Variants in SYT16 observed in about 807,000 individuals in gnomAD.
The protein encoded by SYT16 is synaptotagmin-16.
A neutral mutation model predicts 61.4 loss-of-function variants in SYT16; 42 were observed. The ratio of observed to expected loss-of-function variants is 0.68; its 90% CI spans 0.53 to 0.89. The LOEUF (loss-of-function observed/expected upper bound fraction) is 0.89, where lower values mean the gene tolerates loss of function less well. SYT16 is among the 40% of genes least tolerant of loss of function. SYT16 has a pLI of 0.00. For missense variants in SYT16, 804 were observed against 807.3 expected, an observed-to-expected ratio of 1.00 and a Z score of 0.05; for synonymous variants, 314 against 302.3, an observed-to-expected ratio of 1.04 and a Z score of -0.40.
chr14:61,875,302 C>T (rs1181147657), intron 1 of SYT16, among the ~76,000 whole-genome samples: 1 of 152,096 alleles, frequency 6.6e-6, no homozygotes, highest in Non-Finnish European at 1.5e-5. Flanking sequence ...TGACTTTGAC[C>T]TTTCTATGTT....
At chr14:61,878,329 C>T (rs2047573451) in intron 1 of SYT16, among the ~76,000 whole-genome samples, 2 of 152,268 alleles carry the variant, frequency 1.3e-5, no homozygotes, top group Admixed American at 6.5e-5. Flanking sequence ...GTTATGTAAA[C>T]GTCCATTTGT....
rs541186151 is a variant in SYT16, at chr14:62,101,444, A to T, written c.*737A>T. ...CAAACTTGTGACTTTCAAGGTTTTTATGCTGTCTTTCTCACCCAATAAGTT... is the reference window on the plus strand; with the variant it reads ...CAAACTTGTGACTTTCAAGGTTTTTTTGCTGTCTTTCTCACCCAATAAGTT... On this transcript the variant is annotated 3_prime_UTR_variant, in exon 8 of 8. Coordinates refer to ENST00000683842, the MANE Select transcript of SYT16 (RefSeq NM_001367656.1). The T allele has an allele frequency of 3.3e-5, 5 of 152,288 alleles. No individual in the cohort carries two copies. In the South Asian group the frequency reaches 8.3e-4, roughly 25 times the overall value. The allele number at this position is 152,288 out of a possible 1,614,324, so 9.4% of individuals were successfully genotyped here.
At chr14:62,028,362 A>G (rs1376222705) in intron 3 of SYT16, among the ~76,000 whole-genome samples, 1 of 152,204 alleles carries the variant, frequency 6.6e-6, no homozygotes, top group Non-Finnish European at 1.5e-5. Context: ...AAATCATTCA[A>G]TCCTCCCAAC....
At chr14:62,057,303 A>T (rs1222071851) in intron 3 of SYT16, among the ~76,000 whole-genome samples, 1 of 152,196 alleles carries the variant, frequency 6.6e-6, no homozygotes, top group Non-Finnish European at 1.5e-5. Flanking sequence ...ACTTTTTCTC[A>T]TAGGCATAAA....
In SYT16 at chr14:61,820,567, C is replaced by T. The variant is rs181880143; in HGVS notation, c.-325+7757C>T. Among the ~76,000 whole-genome samples, 39 of 147,718 alleles carry T rather than the reference C, an allele frequency of 2.6e-4. No individual in the cohort carries two copies. In the South Asian group the frequency reaches 3.3e-3, roughly 12 times the overall value. On this transcript the variant is annotated intron_variant, in intron 1 of 7. Transcript: ENST00000683842. ...CACGATCTCGGCTCACTGCAACCTC[C>T]GCCTCCTGGGTTCAAGCGATTCTCC... is the stretch of plus-strand genomic sequence containing the variant.
rs532182650 is a variant in SYT16, at chr14:62,076,697, C to G, written c.993+1306C>G. Among the ~76,000 whole-genome samples the G allele has an allele frequency of 2.3e-3, 356 of 152,258 alleles. 1 individual carries two copies. The highest frequency in any genetic ancestry group is 8.2e-3 in the African/African-American group (339 of 41,538). ...TAAAAAAAGAAAAAACTCTGCTTAC[C>G]CGTTAGTTTACTACCAAGCCGTATC... On this transcript the variant is annotated intron_variant, in intron 5 of 7. Transcript: ENST00000683842.
At position 62,040,794 on chromosome 14, in the gene SYT16, C is replaced by A. The variant is rs114436797; in HGVS notation, c.524-28809C>A. Among the ~76,000 whole-genome samples, 713 of 152,168 alleles carry A rather than the reference C, an allele frequency of 4.7e-3. 6 individuals carry two copies. Among genetic ancestry groups the A allele is most frequent in the African/African-American group, 0.016 (679 of 41,502 alleles). On this transcript the variant is annotated intron_variant, in intron 3 of 7. Transcript: ENST00000683842. ...TGGAGAGCAGAAAGTACCAAGAGGTCCCATATACTCTTACCTCTTCCTGCC... is the reference window on the plus strand; with the variant it reads ...TGGAGAGCAGAAAGTACCAAGAGGTACCATATACTCTTACCTCTTCCTGCC...
chr14:62,088,037 A>G (rs2056945898), intron 7 of SYT16, among the ~76,000 whole-genome samples: 2 of 152,188 alleles, frequency 1.3e-5, no homozygotes, highest in East Asian at 1.9e-4. Flanking sequence ...TGGAACAACC[A>G]CTTTGGGAAA....
At chr14:61,857,681 G>C (rs8003890) in intron 1 of SYT16, among the ~76,000 whole-genome samples, 28,505 of 152,048 alleles carry the variant, frequency 0.19, 3,402 homozygotes, top group African/African-American at 0.34. Context: ...AGCATGTACA[G>C]TGATAGGAAT....
chr14:61,939,770 AG>A (rs2050137065), intron 1 of SYT16, among the ~76,000 whole-genome samples: 1 of 152,148 alleles, frequency 6.6e-6, no homozygotes, highest in Non-Finnish European at 1.5e-5. Context: ...ACAGTGTCTA[AG>A]GGGGAAGAAA....
At chr14:61,995,004 C>T (rs538462405) in intron 2 of SYT16, among the ~76,000 whole-genome samples, 3 of 152,222 alleles carry the variant, frequency 2.0e-5, no homozygotes, top group Admixed American at 6.5e-5. Flanking sequence ...TCATTTGTAA[C>T]GTTCATCTTG....
At chr14:62,064,334 G>GAAAAAAAAAAAAAAAAAAAAA (rs781727444) in intron 3 of SYT16, among the ~76,000 whole-genome samples, 1 of 42,986 alleles carries the variant, frequency 2.3e-5, no homozygotes, top group African/African-American at 8.3e-5. Context: ...CTTTAAATTT[G>GAAAAAAAAAAAAAAAAAAAAA]AAAAAAAAAA....
At chr14:61,929,117 G>T in intron 1 of SYT16, among the ~76,000 whole-genome samples, 1 of 152,158 alleles carries the variant, frequency 6.6e-6, no homozygotes, top group East Asian at 1.9e-4. Context: ...GAGTGATCCG[G>T]GGATTACTAG....
intron 7 of SYT16, among the ~76,000 whole-genome samples, chr14:62,088,799 C>G (rs2056972647): frequency 6.6e-6 from 1 of 151,954 alleles, no homozygotes; most frequent in East Asian, 1.9e-4. Context: ...GGGACCTCCA[C>G]TGTACTATTA....
At position 62,110,710 on chromosome 14, in the gene SYT16, C is replaced by T. The variant is rs2057593075; in HGVS notation, c.*10003C>T. 6.6e-6 allele frequency: 1 copy of T among 151,926 alleles called. No individual in the cohort carries two copies. The highest frequency in any genetic ancestry group is 2.4e-5 in the African/African-American group (1 of 41,394). 9.4% of individuals were successfully genotyped at this position (151,926 alleles called of 1,614,324 possible). ...CTGATCATGTAACAAACTGCAAATCCATGTTTTCAGCAGGTTCGCCAACCT... is the reference window on the plus strand; with the variant it reads ...CTGATCATGTAACAAACTGCAAATCTATGTTTTCAGCAGGTTCGCCAACCT... On this transcript the variant is annotated 3_prime_UTR_variant, in exon 8 of 8. Transcript: ENST00000683842.
chr14:61,952,211 C>A (rs1300448434), intron 1 of SYT16, among the ~76,000 whole-genome samples: 1 of 151,912 alleles, frequency 6.6e-6, no homozygotes, highest in Non-Finnish European at 1.5e-5. Flanking sequence ...CATAAGCATG[C>A]CATTGAAAAC....
At chr14:62,036,241 G>T (rs1338519713) in intron 3 of SYT16, among the ~76,000 whole-genome samples, 1 of 152,124 alleles carries the variant, frequency 6.6e-6, no homozygotes, top group Admixed American at 6.5e-5. Context: ...GGAAATGAGA[G>T]TATGGGAGCA....
chr14:62,020,052 A>T (rs1234707421), intron 3 of SYT16, among the ~76,000 whole-genome samples: 2 of 152,190 alleles, frequency 1.3e-5, no homozygotes, highest in African/African-American at 4.8e-5. Flanking sequence ...GTTTAAATTC[A>T]TGAAGGAATT....
At chr14:62,011,942 T>TATATATATA (rs1555370094) in intron 3 of SYT16, among the ~76,000 whole-genome samples, 2 of 144,598 alleles carry the variant, frequency 1.4e-5, no homozygotes, top group African/African-American at 5.6e-5. Flanking sequence ...TATATATATA[T>TATATATATA]TTGATGCTGT....
Sources: gnomAD v4.1 joint callset for allele counts (sites outside exome capture counted in the v4.1 genomes callset) on GRCh38, gnomAD v4.1.1 for gene constraint, MANE v1.5 for transcripts, NCBI Gene and HGNC (gene_info 2026-07-23, HGNC 2026-07-21) for gene names.